KIF7: variants seen among roughly 807,000 people sequenced by gnomAD.
The protein encoded by KIF7 is kinesin family member 7.
KIF7 carries 104 observed loss-of-function variants against 135.7 expected under a neutral mutation model. The observed-to-expected ratio is 0.77, with a 90% confidence interval of 0.65 to 0.90. KIF7 has a LOEUF of 0.90. KIF7 is among the 40% of genes least tolerant of loss of function. The probability of loss-of-function intolerance (pLI) is 0.00; values close to 1 mark genes in which losing one functional copy is unlikely to be tolerated. For synonymous variants in KIF7, 883 were observed against 809.4 expected (o/e 1.09, Z -1.54); for missense variants, 2,005 against 1,839.1 (o/e 1.09, Z -1.65).
At position 89,628,612 on chromosome 15, in the gene KIF7, G is replaced by A. The variant is rs775526351; in HGVS notation, c.3839C>T (p.Ser1280Leu). The change falls in exon 19 of 19, where the codon TCG becomes TTG. Residue 1280 changes from serine (S) to leucine (L), a missense_variant. Coordinates refer to ENST00000394412, the MANE Select transcript of KIF7 (RefSeq NM_198525.3). ...CCCCTGCTCCTCACCACACAGGCTC[G>A]AGCGTTTCCAGGTCAAGGGTAACGG... The part of the protein sequence containing the change: ...HAPLPLTWKR[S>L]SLCGEEQGSP... 27 of 1,613,248 alleles carry A rather than the reference G, an allele frequency of 1.7e-5. No individual in the cohort carries two copies. Among genetic ancestry groups the A allele is most frequent in the South Asian group, 8.8e-5 (8 of 91,092 alleles).
intron 1 of KIF7, among the ~76,000 whole-genome samples, chr15:89,619,288 TGCTCTCC>T (rs2141979402): frequency 7.0e-6 from 1 of 141,958 alleles, no homozygotes; most frequent in Non-Finnish European, 1.5e-5. Context: ...TGCACTGGCA[TGCTCTCC>T]GCTCACTGCA....
At position 89,649,113 on chromosome 15, in the gene KIF7, T is replaced by C; in HGVS notation, c.784A>G (p.Thr262Ala). The change falls in exon 4 of 19, where the codon ACG becomes GCG. Residue 262 changes from threonine (T) to alanine (A), a missense_variant. Coordinates refer to ENST00000394412, the MANE Select transcript of KIF7 (RefSeq NM_198525.3). ...TTGAGCCGCTCGCCGGTGCTGCCCGTCTTGAGCACCCTCTCTGAGCCCGCC... is the reference window on the plus strand; with the variant it reads ...TTGAGCCGCTCGCCGGTGCTGCCCGCCTTGAGCACCCTCTCTGAGCCCGCC... ...DLAGSERVLK[T>A]GSTGERLKES... 1 of 1,547,772 alleles carries C rather than the reference T, an allele frequency of 6.5e-7. No homozygotes were observed.
rs370152166 is a variant in KIF7 at position 89,628,383 on chromosome 15, G to A, written c.*36C>T. 4.0e-4 allele frequency: 630 copies of A among 1,573,384 alleles called. No individual in the cohort carries two copies. The highest frequency in any genetic ancestry group is 5.1e-4 in the Non-Finnish European group (596 of 1,161,192). On this transcript the variant is annotated 3_prime_UTR_variant, in exon 19 of 19. Transcript: ENST00000394412. The stretch of plus-strand genomic sequence containing the variant: ...GGCAGCTGCCCCTTTCAGCAGGCTC[G>A]GAGTCTCCCTCCAAGGCAGGGTCTG...
At chr15:89,634,235 G>A (rs1772937336) in intron 11 of KIF7, among the ~76,000 whole-genome samples, 1 of 152,188 alleles carries the variant, frequency 6.6e-6, no homozygotes, top group Non-Finnish European at 1.5e-5. Flanking sequence ...GGAGGCAGAG[G>A]TTGCAGTGAG....
rs1419683176 is a variant in KIF7 at position 89,650,194 on chromosome 15, C to T, written c.329-253G>A. ...CAACCCCTTTCATGCTGTAAGCATC[C>T]CCTTCACTGCATCCTCAACAGATTA... On this transcript the variant is annotated intron_variant, in intron 2 of 18. Transcript: ENST00000394412. 7.3e-6 allele frequency: 4 copies of T among 545,368 alleles called. No homozygotes were observed. The East Asian group carries it at 1.3e-4, about 17-fold the overall frequency. 33.8% of individuals were successfully genotyped at this position (545,368 alleles called of 1,614,324 possible).
chr15:89,647,099 C>T (rs1274607845), intron 6 of KIF7, 42 bp from the exon 7 acceptor site: 19 of 1,511,436 alleles, frequency 1.3e-5, no homozygotes, highest in Non-Finnish European at 1.5e-5. Flanking sequence ...ATGAATGCCC[C>T]GACAGGCAGG....
At chr15:89,625,713 G>T (rs756678166), downstream of KIF7, 12 of 1,612,990 alleles carry the variant, frequency 7.4e-6, no homozygotes, top group Non-Finnish European at 1.0e-5. Context: ...AAGTTAGTAA[G>T]AGTAAAGAGG....
intron 8 of KIF7, 94 bp downstream of exon 8, chr15:89,645,799 T>C: frequency 6.7e-7 from 1 of 1,498,008 alleles, no homozygotes; most frequent in Non-Finnish European, 9.0e-7. Flanking sequence ...GCTTCCCCAC[T>C]GCTGTCAGGA....
chr15:89,629,399 G>T lies in KIF7; in HGVS notation c.3493C>A (p.Gln1165Lys), dbSNP rs768061319. Residue 1165 changes from glutamine (Q) to lysine (K), a missense_variant, in exon 17 of 19, where the codon CAG becomes AAG. Coordinates refer to ENST00000394412, the MANE Select transcript of KIF7 (RefSeq NM_198525.3). ...LQQKEHEQNM[Q>K]LLLQQSRDHL... ...CCTCGACTCTGCTGCAGGAGCAGCT[G>T]CATGTTCTGCTCGTGCTCCTTCTGC... 6 of 1,603,064 alleles carry T rather than the reference G, an allele frequency of 3.7e-6. No homozygotes were observed. Among genetic ancestry groups the T allele is most frequent in the Non-Finnish European group, 5.1e-6 (6 of 1,178,598 alleles).
At chr15:89,633,305 C>T in intron 12 of KIF7, 39 bp from the exon 13 acceptor site, 1 of 1,540,486 alleles carries the variant, frequency 6.5e-7, no homozygotes, top group South Asian at 1.2e-5. Context: ...GTTTATGGTG[C>T]CAGCATCTTA....
chr15:89,658,186 C>T (rs1009660362), upstream of KIF7, among the ~76,000 whole-genome samples: 2 of 152,190 alleles, frequency 1.3e-5, no homozygotes, highest in African/African-American at 4.8e-5. Flanking sequence ...TATGGTGGCT[C>T]ATGCCTGTCA....
Position 89,636,139 on chromosome 15 carries a change from G to C in KIF7, c.2395-2256C>G. 2.6e-5 allele frequency among the ~76,000 whole-genome samples: 4 copies of C among 152,196 alleles called. 1 individual carries two copies. In the South Asian group the frequency reaches 8.3e-4, roughly 32 times the overall value. On this transcript the variant is annotated intron_variant, in intron 11 of 18. Coordinates refer to ENST00000394412, the MANE Select transcript of KIF7 (RefSeq NM_198525.3). ...AGACAAGCAAATGTTGAGAGATTTTGTCACACCCAGGCCTGCCCTAAAAGA... is the reference window on the plus strand; with the variant it reads ...AGACAAGCAAATGTTGAGAGATTTTCTCACACCCAGGCCTGCCCTAAAAGA...
In KIF7 at chr15:89,649,744, C is replaced by T; in HGVS notation, c.526G>A (p.Val176Ile). 6.4e-7 allele frequency: 1 copy of T among 1,551,778 alleles called. No homozygotes were observed. Among genetic ancestry groups the T allele is most frequent in the Non-Finnish European group, 8.7e-7 (1 of 1,146,948 alleles). Residue 176 changes from valine (V) to isoleucine (I), a missense_variant, in exon 3 of 19, where the codon GTT becomes ATT. By Grantham distance (29) the Val-to-Ile change is conservative (BLOSUM62 3). Coordinates refer to ENST00000394412, the MANE Select transcript of KIF7 (RefSeq NM_198525.3). Reference protein sequence around the residue: ...IQLREDERGNVVLCGVKEVDV... With the variant: ...IQLREDERGNIVLCGVKEVDV... The stretch of plus-strand genomic sequence containing the variant: ...GGAGGACCCCAGAGTTCCTCACCAA[C>T]ATTCCCGCGCTCATCTTCCCGGAGC...
At chr15:89,636,046 T>C (rs1398424136) in intron 11 of KIF7, among the ~76,000 whole-genome samples, 3 of 151,992 alleles carry the variant, frequency 2.0e-5, no homozygotes, top group Non-Finnish European at 4.4e-5. Context: ...AGAAAAGAAT[T>C]TTCAACCCAG....
At chr15:89,619,973 G>T in intron 1 of KIF7, 1 of 1,113,658 alleles carries the variant, frequency 9.0e-7, no homozygotes, top group Non-Finnish European at 1.3e-6. Flanking sequence ...GTCTAGTTGA[G>T]GTTCAGGGTG....
chr15:89,646,779 C>T (rs751691176), intron 7 of KIF7, 51 bp downstream of exon 7: 2 of 1,568,834 alleles, frequency 1.3e-6, no homozygotes, highest in South Asian at 1.1e-5. Flanking sequence ...CTGCCCCGAA[C>T]TTGACCAGTC....
At chr15:89,622,143 G>A (rs953801193) in intron 1 of KIF7, among the ~76,000 whole-genome samples, 2 of 151,820 alleles carry the variant, frequency 1.3e-5, no homozygotes, top group Admixed American at 6.6e-5. Flanking sequence ...CCACCACAAC[G>A]CCCAACTAAT....
chr15:89,624,928 C>T (rs368620985), downstream of KIF7: 70 of 1,614,010 alleles, frequency 4.3e-5, no homozygotes, highest in Non-Finnish European at 5.5e-5. Flanking sequence ...TTCGGCACAA[C>T]TAGACAACCT....
Position 89,649,845 on chromosome 15 carries a change from T to A in KIF7, c.425A>T (p.His142Leu). The change falls in exon 3 of 19, where the codon CAT (histidine) becomes CTT (leucine). Residue 142 changes from histidine to leucine, a missense_variant. Physicochemically the swap from His to Leu is moderately conservative, Grantham distance 99. Transcript: ENST00000394412. ...CTTGTACACTTCCAGGTAGGACACA[T>A]GTACCAGACAGTCAAGCAGGTCGTT... ...DENDLLDCLV[H>L]VSYLEVYKEE... The A allele has an allele frequency of 6.4e-7, 1 of 1,551,786 alleles. No homozygotes were observed. The highest frequency in any genetic ancestry group is 8.7e-7 in the Non-Finnish European group (1 of 1,146,996).
Sources: allele counts gnomAD v4.1 joint callset (sites outside exome capture counted in the v4.1 genomes callset), GRCh38; gene constraint gnomAD v4.1.1; transcripts MANE v1.5; gene names NCBI Gene and HGNC (gene_info 2026-07-23, HGNC 2026-07-21).